TMEM91: variants seen among roughly 807,000 people sequenced by gnomAD.
TMEM91 encodes transmembrane protein 91.
A neutral mutation model predicts 13.3 loss-of-function variants in TMEM91; 6 were observed. That is an observed-to-expected ratio of 0.45 (90% CI 0.25 to 0.89). The LOEUF (loss-of-function observed/expected upper bound fraction) is 0.89, where lower values mean the gene tolerates loss of function less well. TMEM91 is among the 40% of genes least tolerant of loss of function. TMEM91 has a pLI of 0.19. For synonymous variants in TMEM91, 87 were observed against 101.7 expected, an observed-to-expected ratio of 0.86 and a Z score of 0.87; for missense variants, 193 against 228.7, an observed-to-expected ratio of 0.84 and a Z score of 1.01.
chr19:41,372,818 G>A (rs1053427392), upstream of TMEM91, among the ~76,000 whole-genome samples: 10 of 152,110 alleles, frequency 6.6e-5, no homozygotes, highest in African/African-American at 2.4e-4. Context: ...TAATCTAGGG[G>A]AAGCTACTTT....
At chr19:41,367,030 A>G (rs1232289075) in intron 1 of TMEM91, among the ~76,000 whole-genome samples, 3 of 152,176 alleles carry the variant, frequency 2.0e-5, no homozygotes, top group East Asian at 1.9e-4. Context: ...GGTGTCAGCT[A>G]TTTGGGAAGC....
intron 1 of TMEM91, among the ~76,000 whole-genome samples, chr19:41,370,214 A>G (rs997880026): frequency 1.3e-5 from 2 of 151,902 alleles, no homozygotes; most frequent in African/African-American, 4.8e-5. Flanking sequence ...AGTAACTGGT[A>G]TTACAGGCAT....
chr19:41,371,109 A>G (rs1031014388), intron 1 of TMEM91, among the ~76,000 whole-genome samples: 3 of 145,784 alleles, frequency 2.1e-5, no homozygotes, highest in Non-Finnish European at 3.0e-5. Flanking sequence ...TCAAGCAATT[A>G]TTGTGCCTCA....
chr19:41,381,809 G>A (rs914542962), intron 2 of TMEM91, among the ~76,000 whole-genome samples: 2 of 151,996 alleles, frequency 1.3e-5, no homozygotes, highest in African/African-American at 2.4e-5. Context: ...ACTGTGCCCG[G>A]CCAATAATCT....
At position 41,383,004 on chromosome 19, in the gene TMEM91, G is replaced by A. The variant is rs555998252; in HGVS notation, c.360+83G>A. Reference sequence around the variant, plus strand: ...AAAAACAAAGAGCCATATACCTGAGGCGGGAAGGTGGAAGGTAGCCCAGAG... The same window carrying A: ...AAAAACAAAGAGCCATATACCTGAGACGGGAAGGTGGAAGGTAGCCCAGAG... On this transcript the variant is annotated intron_variant, in intron 3 of 3. Transcript: ENST00000392002. 9.2e-5 allele frequency: 142 copies of A among 1,543,100 alleles called. 2 individuals are homozygous for A. The South Asian group carries it at 9.5e-4, about 10-fold the overall frequency.
chr19:41,368,048 A>G (rs2038556227), intron 1 of TMEM91, among the ~76,000 whole-genome samples: 1 of 152,172 alleles, frequency 6.6e-6, no homozygotes, highest in Non-Finnish European at 1.5e-5. Context: ...ACATAGCAAC[A>G]TTCCTCTCAA....
At chr19:41,380,108 T>G (rs2038844339) in intron 2 of TMEM91, among the ~76,000 whole-genome samples, 1 of 151,890 alleles carries the variant, frequency 6.6e-6, no homozygotes, top group Non-Finnish European at 1.5e-5. Context: ...TTGGTCAGGT[T>G]GGTCTCAAAC....
intron 1 of TMEM91, among the ~76,000 whole-genome samples, chr19:41,365,370 G>A (rs2038500737): frequency 6.6e-6 from 1 of 152,064 alleles, no homozygotes; most frequent in African/African-American, 2.4e-5. Context: ...TAATATAAAT[G>A]TTATCCTATT....
At chr19:41,371,863 A>AT (rs1474276480), upstream of TMEM91, among the ~76,000 whole-genome samples, 1 of 151,582 alleles carries the variant, frequency 6.6e-6, no homozygotes, top group African/African-American at 2.4e-5. Flanking sequence ...ATGCAACAGG[A>AT]TTTTTTTCCT....
At chr19:41,373,537 T>C (rs994956167), upstream of TMEM91, among the ~76,000 whole-genome samples, 2 of 147,134 alleles carry the variant, frequency 1.4e-5, no homozygotes, top group Non-Finnish European at 3.0e-5. Flanking sequence ...TCTCAGCCCT[T>C]GTTGTGCCGA....
At chr19:41,375,511 C>T (rs2038700116), upstream of TMEM91, among the ~76,000 whole-genome samples, 1 of 150,956 alleles carries the variant, frequency 6.6e-6, no homozygotes, top group Non-Finnish European at 1.5e-5. Flanking sequence ...ATCTCCTGAC[C>T]TCGTGATCCG....
At chr19:41,380,053 G>A (rs1203545196) in intron 2 of TMEM91, among the ~76,000 whole-genome samples, 4 of 151,766 alleles carry the variant, frequency 2.6e-5, no homozygotes. Flanking sequence ...GTGTCACCAT[G>A]CCCAGCTAAT....
rs1034083743 is a variant in TMEM91 at position 41,383,218 on chromosome 19, T to C, written c.360+297T>C. On this transcript the variant is annotated intron_variant, in intron 3 of 3. Transcript: ENST00000392002. ...AGAGGCGCGCGCTACCATGCCTGGC[T>C]AATTTTTGAATTTTTAATAAAGACG... is the stretch of plus-strand genomic sequence containing the variant. The C allele has an allele frequency of 6.7e-4, 290 of 431,124 alleles. 2 individuals are homozygous for C. Among genetic ancestry groups the C allele is most frequent in the Non-Finnish European group, 4.4e-5 (11 of 248,976 alleles). 26.7% of individuals were successfully genotyped at this position (431,124 alleles called of 1,614,324 possible).
chr19:41,369,621 A>G (rs1413771572), intron 1 of TMEM91, among the ~76,000 whole-genome samples: 2 of 151,960 alleles, frequency 1.3e-5, no homozygotes, highest in African/African-American at 2.4e-5. Context: ...CCTGGCCAAC[A>G]TGGTGAAACC....
intron 1 of TMEM91, among the ~76,000 whole-genome samples, chr19:41,365,960 C>T (rs937813125): frequency 2.0e-5 from 3 of 151,772 alleles, no homozygotes; most frequent in African/African-American, 4.8e-5. Flanking sequence ...ATCCTTCTGC[C>T]TCAGCCTCCC....
intron 1 of TMEM91, among the ~76,000 whole-genome samples, chr19:41,370,945 A>C (rs1163538472): frequency 1.5e-4 from 20 of 134,692 alleles, no homozygotes; most frequent in African/African-American, 5.6e-4. Flanking sequence ...TCAGGTGATC[A>C]GCCCGCCTCG....
chr19:41,374,328 G>A (rs2038671286), upstream of TMEM91: 1 of 152,244 alleles, frequency 6.6e-6, no homozygotes, highest in Non-Finnish European at 1.5e-5. Flanking sequence ...GCTCCATGAA[G>A]GAGGTGGAAG....
At chr19:41,368,443 G>A (rs1483062640) in intron 1 of TMEM91, among the ~76,000 whole-genome samples, 1 of 151,218 alleles carries the variant, frequency 6.6e-6, no homozygotes, top group Non-Finnish European at 1.5e-5. Flanking sequence ...GTGGTTATTG[G>A]GTTTTTTTGA....
chr19:41,367,758 T>TA (rs1209282833), intron 1 of TMEM91, among the ~76,000 whole-genome samples: 1 of 152,174 alleles, frequency 6.6e-6, no homozygotes, highest in African/African-American at 2.4e-5. Context: ...GCCTCCCCAG[T>TA]AGCTGGGACT....
Sources: allele counts gnomAD v4.1 joint callset (sites outside exome capture counted in the v4.1 genomes callset), GRCh38; gene constraint gnomAD v4.1.1; transcripts MANE v1.5; gene names NCBI Gene and HGNC (gene_info 2026-07-23, HGNC 2026-07-21).